Variants in EPB41L2 observed in about 807,000 individuals in gnomAD.
The protein encoded by EPB41L2 is erythrocyte membrane protein band 4.1 like 2.
A neutral mutation model predicts 113.0 loss-of-function variants in EPB41L2; 43 were observed. The observed-to-expected ratio is 0.38, with a 90% CI of 0.30 to 0.49. The LOEUF is 0.49. Ranked by LOEUF, EPB41L2 falls within the 20% of genes least tolerant of loss-of-function variation. The pLI, the probability that EPB41L2 is intolerant of heterozygous loss-of-function variation, is 0.95. For missense variants in EPB41L2, 1,147 were observed against 1,223.4 expected (o/e 0.94, Z 0.93); for synonymous variants, 442 against 436.7 (o/e 1.01, Z -0.15).
intron 1 of EPB41L2, chr6:130,970,363 T>C (rs1291648993): frequency 1.3e-5 from 2 of 152,226 alleles, no homozygotes; most frequent in Admixed American, 1.3e-4. Flanking sequence ...AAATCCAGCG[T>C]CCAAAAGCTT....
chr6:130,878,438 A>T, intron 13 of EPB41L2, 188 bp from the exon 14 acceptor site: 2 of 565,434 alleles, frequency 3.5e-6, no homozygotes, highest in Non-Finnish European at 5.8e-6. Flanking sequence ...ATTCATCAAA[A>T]TTTGAAAATA....
At position 130,908,027 on chromosome 6, in the gene EPB41L2, C is replaced by G. The variant is rs17059810; in HGVS notation, c.853+794G>C. Among the ~76,000 whole-genome samples, 3,690 of 152,254 alleles carry G rather than the reference C, an allele frequency of 0.024. 222 individuals carry two copies. In the East Asian group the frequency reaches 0.26, roughly 11 times the overall value. ...AACTGCCTGTAGCTGCCTACCTTCT[C>G]TGCTTCAGTCATTCACAGACCCTGA... On this transcript the variant is annotated intron_variant, in intron 5 of 19. Transcript: ENST00000337057.
chr6:130,964,026 CTTTT>C (rs59223991), intron 1 of EPB41L2, among the ~76,000 whole-genome samples: 1 of 145,692 alleles, frequency 6.9e-6, no homozygotes, highest in African/African-American at 2.5e-5. Context: ...TTTTCTTTTC[CTTTT>C]TTTTTTTTCA....
At chr6:131,008,205 C>T (rs73623481) in intron 1 of EPB41L2, among the ~76,000 whole-genome samples, 111 of 152,336 alleles carry the variant, frequency 7.3e-4, no homozygotes, top group African/African-American at 2.5e-3. Flanking sequence ...TGGACATGTG[C>T]CCTGCATCCC....
chr6:130,874,624 CA>C (rs1582950629), intron 14 of EPB41L2, among the ~76,000 whole-genome samples: 1 of 152,224 alleles, frequency 6.6e-6, no homozygotes, highest in Admixed American at 6.5e-5. Context: ...GTAATAAGAA[CA>C]ATCTATATGA....
intron 1 of EPB41L2, among the ~76,000 whole-genome samples, chr6:131,026,377 A>T (rs1245952834): frequency 2.0e-5 from 3 of 152,222 alleles, no homozygotes; most frequent in Admixed American, 2.0e-4. Context: ...GTGTGTATTT[A>T]TTGGCATTCT....
chr6:130,877,462 T>A (rs1269281544), intron 14 of EPB41L2, among the ~76,000 whole-genome samples: 3 of 152,130 alleles, frequency 2.0e-5, no homozygotes, highest in African/African-American at 4.8e-5. Flanking sequence ...TGAGAATATA[T>A]CCTGAAGGCA....
intron 3 of EPB41L2, among the ~76,000 whole-genome samples, chr6:130,948,829 G>A (rs1376964777): frequency 6.6e-6 from 1 of 152,124 alleles, no homozygotes; most frequent in African/African-American, 2.4e-5. Flanking sequence ...GGCTATCCAC[G>A]AATATATAAT....
chr6:131,022,578 C>T (rs1789759308), intron 1 of EPB41L2, among the ~76,000 whole-genome samples: 1 of 152,148 alleles, frequency 6.6e-6, no homozygotes, highest in South Asian at 2.1e-4. Context: ...ATCTCCTTGC[C>T]TTGGTTTCCT....
intron 14 of EPB41L2, among the ~76,000 whole-genome samples, chr6:130,870,802 AT>A (rs1785373514): frequency 1.3e-5 from 2 of 149,412 alleles, no homozygotes; most frequent in South Asian, 4.2e-4. Flanking sequence ...TGGCACTTTT[AT>A]TTTTTGCTGG....
chr6:130,950,895 T>G (rs562370563), intron 3 of EPB41L2, among the ~76,000 whole-genome samples: 1 of 152,288 alleles, frequency 6.6e-6, no homozygotes, highest in South Asian at 2.1e-4. Context: ...ATCCTCTTAG[T>G]TGATGCAAAA....
chr6:130,855,548 C>T (rs890475188), intron 19 of EPB41L2, among the ~76,000 whole-genome samples: 2 of 151,966 alleles, frequency 1.3e-5, no homozygotes, highest in Admixed American at 1.3e-4. Flanking sequence ...AGTCAGGTTG[C>T]TAGATATAAG....
chr6:130,859,211 AC>A (rs1191610464), intron 18 of EPB41L2, among the ~76,000 whole-genome samples: 1 of 152,226 alleles, frequency 6.6e-6, no homozygotes, highest in African/African-American at 2.4e-5. Context: ...ACATCAGAGA[AC>A]CCTTGAAGTC....
intron 4 of EPB41L2, among the ~76,000 whole-genome samples, chr6:130,919,610 C>A (rs1173737372): frequency 6.6e-6 from 1 of 152,196 alleles, no homozygotes; most frequent in Non-Finnish European, 1.5e-5. Flanking sequence ...CAGTAATTTT[C>A]TTTCCTGTGA....
rs999262419 is a variant in EPB41L2, at chr6:131,037,343, C to T, written c.-15+25812G>A. ...CCAACCTGGTAAGTGCCACAAAAGA[C>T]AGAGGTATTAACGCTACTTGTGGGA... On this transcript the variant is annotated intron_variant, in intron 1 of 19. Coordinates refer to ENST00000337057, the MANE Select transcript of EPB41L2 (RefSeq NM_001431.4). Among the ~76,000 whole-genome samples the T allele has an allele frequency of 5.9e-5, 9 of 152,150 alleles. No individual in the cohort carries two copies. In the East Asian group the frequency reaches 1.5e-3, roughly 26 times the overall value.
intron 1 of EPB41L2, chr6:131,000,882 T>C (rs1240149146): frequency 1.3e-5 from 2 of 152,234 alleles, no homozygotes; most frequent in African/African-American, 4.8e-5. Context: ...GGAAGCAGCA[T>C]TGCTTTTCCA....
rs778106153 is a variant in EPB41L2, at chr6:130,956,012, C to T, written c.474G>A (p.Val158=). 1 of 1,612,208 alleles carries T rather than the reference C, an allele frequency of 6.2e-7. No homozygotes were observed. The highest frequency in any genetic ancestry group is 8.5e-7 in the Non-Finnish European group (1 of 1,179,418). ...PSVSKEEKPS[V]SKVEMQPTEL... is the part of the protein sequence containing the mutation. ...AACATACCTGCATCTCCACTTTGCT[C>T]ACTGAGGGTTTTTCTTCCTTGCTCA... The change falls in exon 2 of 20, where the codon GTG becomes GTA. Residue 158 remains valine (V), a synonymous_variant. Coordinates refer to ENST00000337057, the MANE Select transcript of EPB41L2 (RefSeq NM_001431.4).
intron 1 of EPB41L2, among the ~76,000 whole-genome samples, chr6:131,001,440 TA>T (rs1488704074): frequency 3.3e-5 from 5 of 152,160 alleles, no homozygotes; most frequent in Non-Finnish European, 7.4e-5. Context: ...GAGAACAAGT[TA>T]AGTACAGCAT....
At chr6:131,057,755 T>C (rs1584832749) in intron 1 of EPB41L2, among the ~76,000 whole-genome samples, 1 of 152,320 alleles carries the variant, frequency 6.6e-6, no homozygotes. Flanking sequence ...TGAAGGTTGA[T>C]GGTGAGGCCC....
Sources: allele counts gnomAD v4.1 joint callset (sites outside exome capture counted in the v4.1 genomes callset), GRCh38; gene constraint gnomAD v4.1.1; transcripts MANE v1.5; gene names NCBI Gene and HGNC (gene_info 2026-07-23, HGNC 2026-07-21).